Variants in CDH13 observed in about 807,000 individuals in gnomAD.
The protein encoded by CDH13 is cadherin 13, also known as cadherin-13.
In CDH13, 24 loss-of-function variants were observed where a neutral mutation model predicts 63.8. The observed-to-expected ratio is 0.38, with a 90% CI of 0.27 to 0.53. The LOEUF is 0.53. Ranked by LOEUF, CDH13 falls within the 20% of genes least tolerant of loss-of-function variation. CDH13 has a pLI of 0.85. For missense variants in CDH13, 1,049 were observed against 903.1 expected, an observed-to-expected ratio of 1.16 and a Z score of -2.07; for synonymous variants, 503 against 355.3, an observed-to-expected ratio of 1.42 and a Z score of -4.67.
chr16:83,003,388 G>GTT (rs750165909), intron 2 of CDH13, among the ~76,000 whole-genome samples: 1 of 146,836 alleles, frequency 6.8e-6, no homozygotes, highest in Non-Finnish European at 1.5e-5. Context: ...GCTTAAGTGG[G>GTT]TTTTTTTTTT....
At chr16:83,171,060 G>A (rs1490335120) in intron 4 of CDH13, among the ~76,000 whole-genome samples, 2 of 152,010 alleles carry the variant, frequency 1.3e-5, no homozygotes, top group African/African-American at 4.8e-5. Context: ...ACCTGAGACT[G>A]GGTAATTTAT....
intron 6 of CDH13, among the ~76,000 whole-genome samples, chr16:83,368,161 A>G (rs12598277): frequency 0.21 from 32,593 of 152,152 alleles, 3,923 homozygotes; most frequent in African/African-American, 0.31. Flanking sequence ...TAACATAGAC[A>G]TTATTATGCT....
At chr16:83,129,990 C>T (rs1347272370) in intron 4 of CDH13, among the ~76,000 whole-genome samples, 1 of 152,166 alleles carries the variant, frequency 6.6e-6, no homozygotes, top group Non-Finnish European at 1.5e-5. Flanking sequence ...TAAGTAGTTC[C>T]TGCATCCCAG....
chr16:82,943,047 G>C (rs547385267), intron 2 of CDH13, among the ~76,000 whole-genome samples: 1 of 152,270 alleles, frequency 6.6e-6, no homozygotes, highest in African/African-American at 2.4e-5. Context: ...CTCTGCCTTA[G>C]CACTATCAAT....
chr16:83,102,956 T>A (rs1164122553), intron 3 of CDH13, among the ~76,000 whole-genome samples: 1 of 117,950 alleles, frequency 8.5e-6, no homozygotes, highest in African/African-American at 3.2e-5. Context: ...TTCTTTTTTT[T>A]TTTTTTTTTT....
intron 1 of CDH13, among the ~76,000 whole-genome samples, chr16:82,692,474 A>G (rs1176773864): frequency 6.6e-6 from 1 of 152,066 alleles, no homozygotes; most frequent in Non-Finnish European, 1.5e-5. Flanking sequence ...ACTCTCCTTT[A>G]TAAAACCATC....
At chr16:83,708,477 C>A (rs953115583) in intron 10 of CDH13, among the ~76,000 whole-genome samples, 1 of 152,186 alleles carries the variant, frequency 6.6e-6, no homozygotes, top group Admixed American at 6.5e-5. Context: ...GCTTTGTTCT[C>A]TTTCTGTCTT....
intron 11 of CDH13, among the ~76,000 whole-genome samples, chr16:83,779,677 T>C (rs1362788752): frequency 1.3e-5 from 2 of 151,678 alleles, no homozygotes; most frequent in African/African-American, 4.8e-5. Flanking sequence ...ACAAAAATTA[T>C]CCTCTTAGAT....
intron 2 of CDH13, among the ~76,000 whole-genome samples, chr16:82,898,842 A>G (rs1229178800): frequency 6.8e-6 from 1 of 147,720 alleles, no homozygotes; most frequent in African/African-American, 2.7e-5. Context: ...GTTTTCTAGG[A>G]AACAGAGTCT....
At chr16:82,711,328 A>C (rs2031925953) in intron 1 of CDH13, among the ~76,000 whole-genome samples, 1 of 152,056 alleles carries the variant, frequency 6.6e-6, no homozygotes, top group Non-Finnish European at 1.5e-5. Context: ...ATCCTGCAGG[A>C]CCCTCATCCC....
At chr16:83,000,113 C>T (rs1400461544) in intron 2 of CDH13, among the ~76,000 whole-genome samples, 6 of 150,878 alleles carry the variant, frequency 4.0e-5, no homozygotes, top group East Asian at 2.0e-4. Context: ...GAGGATGTTG[C>T]GGAGCGTTTG....
At chr16:83,603,465 A>T (rs747716738) in intron 8 of CDH13, among the ~76,000 whole-genome samples, 3 of 152,238 alleles carry the variant, frequency 2.0e-5, no homozygotes, top group Non-Finnish European at 4.4e-5. Flanking sequence ...ATGCTCAGAG[A>T]ATCCAGAGAA....
At chr16:83,230,011 AATTG>A (rs1291691536) in intron 5 of CDH13, among the ~76,000 whole-genome samples, 5 of 152,164 alleles carry the variant, frequency 3.3e-5, no homozygotes, top group Admixed American at 1.3e-4. Context: ...GCTCTTTTGA[AATTG>A]ATTGTGTCCT....
chr16:83,653,420 T>C (rs1002349555), intron 8 of CDH13, among the ~76,000 whole-genome samples: 2 of 141,810 alleles, frequency 1.4e-5, no homozygotes, highest in Non-Finnish European at 3.0e-5. Flanking sequence ...TGAGCTCTTG[T>C]TAAGGTTTGA....
intron 10 of CDH13, among the ~76,000 whole-genome samples, chr16:83,719,348 C>T (rs1326858546): frequency 6.6e-6 from 1 of 152,146 alleles, no homozygotes; most frequent in Non-Finnish European, 1.5e-5. Context: ...ATCCCAGCAA[C>T]CCTGTGAGGG....
chr16:82,841,712 C>G (rs1280363534), intron 1 of CDH13, among the ~76,000 whole-genome samples: 1 of 152,070 alleles, frequency 6.6e-6, no homozygotes, highest in African/African-American at 2.4e-5. Flanking sequence ...AAGAGCAAAG[C>G]TGTACTTTGT....
chr16:83,662,551 C>T (rs559029022), intron 8 of CDH13, among the ~76,000 whole-genome samples: 42 of 152,208 alleles, frequency 2.8e-4, no homozygotes, highest in East Asian at 1.2e-3. Flanking sequence ...GGGGTGGCTG[C>T]GGAGATGAAC....
chr16:83,683,877 C>G (rs1220848074), intron 10 of CDH13, among the ~76,000 whole-genome samples: 1 of 152,018 alleles, frequency 6.6e-6, no homozygotes, highest in Non-Finnish European at 1.5e-5. Flanking sequence ...GAAAGTCCTT[C>G]TCCTCTCCAA....
At chr16:83,107,234 G>A (rs373366921) in intron 3 of CDH13, among the ~76,000 whole-genome samples, 5 of 152,168 alleles carry the variant, frequency 3.3e-5, no homozygotes, top group East Asian at 1.9e-4. Flanking sequence ...TAAGAGTCCC[G>A]TTGAATTTCC....
Sources: allele counts gnomAD v4.1 joint callset (sites outside exome capture counted in the v4.1 genomes callset), GRCh38; gene constraint gnomAD v4.1.1; transcripts MANE v1.5; gene names NCBI Gene and HGNC (gene_info 2026-07-23, HGNC 2026-07-21).